Variants in ACADVL observed in about 807,000 individuals in gnomAD.
ACADVL encodes the protein acyl-CoA dehydrogenase very long chain, also known as very long-chain acyl-CoA dehydrogenase, mitochondrial.
Under a neutral mutation model 80.4 loss-of-function variants are expected in ACADVL, and 73 were observed. That is an observed-to-expected ratio of 0.91 (90% CI 0.75 to 1.10). The LOEUF is 1.10. Among genes scored for constraint, ACADVL ranks in the 50% least tolerant of loss-of-function variants. ACADVL has a pLI of 0.00. For synonymous variants in ACADVL, 392 were observed against 326.5 expected (o/e 1.20, Z -2.16); for missense variants, 878 against 858.9 (o/e 1.02, Z -0.28).
chr17:7,217,878 T>C (rs994939942), upstream of ACADVL: 65 of 1,483,372 alleles, frequency 4.4e-5, no homozygotes, highest in Non-Finnish European at 5.6e-5. Flanking sequence ...CACCCACGGT[T>C]ATTTGAATAC....
chr17:7,222,347 C>A, intron 9 of ACADVL, 45 bp downstream of exon 9: 2 of 1,600,948 alleles, frequency 1.2e-6, no homozygotes, highest in Non-Finnish European at 1.7e-6. Context: ...AGGGGCAGGA[C>A]TGGGCTCCTG....
At chr17:7,221,225 G>A (rs2071199856) in intron 6 of ACADVL, 167 bp downstream of exon 6, 1 of 1,225,858 alleles carries the variant, frequency 8.2e-7, no homozygotes, top group Non-Finnish European at 1.1e-6. Context: ...TTTACATGCA[G>A]TCCCCTAGGC....
Position 7,220,110 on chromosome 17 carries a change from C to T in ACADVL, c.63-12C>T. The T allele has an allele frequency of 1.9e-6, 3 of 1,581,898 alleles. No individual in the cohort carries two copies. Among genetic ancestry groups the T allele is most frequent in the Non-Finnish European group, 2.6e-6 (3 of 1,172,006 alleles). ...GGGCACCGGGCCGGCACTGAACCCC[C>T]ACTCCCCACAGCTCGCGGCTCACGG... On this transcript the variant is annotated splice_polypyrimidine_tract_variant and intron_variant, in intron 1 of 19. Coordinates refer to ENST00000356839, the MANE Select transcript of ACADVL (RefSeq NM_000018.4).
At chr17:7,224,265 G>C in intron 15 of ACADVL, 22 bp downstream of exon 15, 1 of 1,613,458 alleles carries the variant, frequency 6.2e-7, no homozygotes, top group Non-Finnish European at 8.5e-7. Flanking sequence ...GCCAGAGCCA[G>C]GGGAGGGCAG....
chr17:7,217,709 C>G (rs1310419631), upstream of ACADVL: 1 of 1,533,860 alleles, frequency 6.5e-7, no homozygotes, highest in Non-Finnish European at 8.7e-7. Context: ...TCCTTCTGTG[C>G]TGGCAGGAAC....
At chr17:7,219,874 G>A, upstream of ACADVL, 1 of 1,540,198 alleles carries the variant, frequency 6.5e-7, no homozygotes, top group South Asian at 1.2e-5. Context: ...ACCGTCCGCC[G>A]CCCGGTGCAC....
chr17:7,222,887 C>G, intron 10 of ACADVL, 22 bp downstream of exon 10: 1 of 1,608,056 alleles, frequency 6.2e-7, no homozygotes, highest in Non-Finnish European at 8.5e-7. Flanking sequence ...GCCCGAGTCC[C>G]TAGGTAACCC....
chr17:7,222,618 T>G (rs1375209333), intron 9 of ACADVL, 49 bp from the exon 10 acceptor site: 3 of 1,546,212 alleles, frequency 1.9e-6, no homozygotes, highest in African/African-American at 2.7e-5. Flanking sequence ...TTTCCCCCAG[T>G]GACAACCTGT....
In ACADVL at chr17:7,223,865, G is replaced by T; in HGVS notation, c.1322G>T (p.Gly441Val). ...TGCATCCAAATCATGGGGGGTATGG[G>T]CTTCATGAAGGTACAGGACGGTCTT... ...DECIQIMGGMGFMKEPGVERV... is the reference protein window; with the variant it reads ...DECIQIMGGMVFMKEPGVERV... Residue 441 changes from glycine to valine, a missense_variant, in exon 13 of 20, where the codon GGC becomes GTC. Coordinates refer to ENST00000356839, the MANE Select transcript of ACADVL (RefSeq NM_000018.4). 6.2e-7 allele frequency: 1 copy of T among 1,614,040 alleles called. No homozygotes were observed. Among genetic ancestry groups the T allele is most frequent in the East Asian group, 2.2e-5 (1 of 44,876 alleles).
upstream of ACADVL, chr17:7,219,918 A>ACGAGGG: frequency 6.4e-7 from 1 of 1,567,556 alleles, no homozygotes; most frequent in African/African-American, 1.3e-5. Flanking sequence ...GGGCGCCAGG[A>ACGAGGG]CGTGGGCGTG....
chr17:7,220,939 G>A lies in ACADVL; in HGVS notation c.358G>A (p.Ala120Thr), dbSNP rs1185963216. Residue 120 changes from alanine to threonine, a missense_variant, in exon 6 of 20, where the codon GCC becomes ACC. Physicochemically the swap from Ala to Thr is moderately conservative, Grantham distance 58. Coordinates refer to ENST00000356839, the MANE Select transcript of ACADVL (RefSeq NM_000018.4). Reference sequence around the variant, plus strand: ...CCTTCCCCAGGAAGTGAACGATCCCGCCAAGAATGACGCTCTGGAGATGGT... The same window carrying A: ...CCTTCCCCAGGAAGTGAACGATCCCACCAAGAATGACGCTCTGGAGATGGT... The part of the protein sequence containing the change: ...SRFFEEVNDP[A>T]KNDALEMVEE... 7 of 1,614,092 alleles carry A rather than the reference G, an allele frequency of 4.3e-6. No homozygotes were observed. Among genetic ancestry groups the A allele is most frequent in the South Asian group, 2.2e-5 (2 of 91,090 alleles).
upstream of ACADVL, chr17:7,217,194 C>T (rs2142942476): frequency 3.2e-6 from 4 of 1,268,336 alleles, no homozygotes; most frequent in South Asian, 6.7e-5. Flanking sequence ...CTGACTTCAT[C>T]GGAGTTTCGT....
rs1434841815 is a variant in ACADVL, at chr17:7,223,218, T to C, written c.1163T>C (p.Met388Thr). 2.5e-6 allele frequency: 4 copies of C among 1,613,906 alleles called. No homozygotes were observed. The East Asian group carries it at 6.7e-5, about 27-fold the overall frequency. The part of the protein sequence containing the change: ...LIQEKLARMV[M>T]LQYVTESMAY... ...CAGGAGAAGCTGGCACGGATGGTTA[T>C]GCTGCAGTATGTAACTGAGGTGAGG... Residue 388 changes from methionine to threonine, a missense_variant, in exon 11 of 20, where the codon ATG becomes ACG. Coordinates refer to ENST00000356839, the MANE Select transcript of ACADVL (RefSeq NM_000018.4).
At chr17:7,224,109 C>G (rs764053889) in intron 14 of ACADVL, 37 bp from the exon 15 acceptor site, 57 of 1,613,628 alleles carry the variant, frequency 3.5e-5, no homozygotes, top group Non-Finnish European at 4.7e-5. Context: ...GTGGGGAGGA[C>G]AGTGAGTCCT....
At chr17:7,219,027 C>T, upstream of ACADVL, 1 of 673,004 alleles carries the variant, frequency 1.5e-6, no homozygotes, top group South Asian at 1.8e-5. Context: ...CCCTGGCCCC[C>T]TCTTCCCATA....
At chr17:7,218,792 C>G, upstream of ACADVL, 1 of 1,613,152 alleles carries the variant, frequency 6.2e-7, no homozygotes, top group Non-Finnish European at 8.5e-7. Context: ...CCCCACTTCG[C>G]TCCCAGACCT....
At position 7,221,939 on chromosome 17, in the gene ACADVL, C is replaced by G; in HGVS notation, c.623-13C>G. 5.6e-6 allele frequency: 9 copies of G among 1,614,008 alleles called. No individual in the cohort carries two copies. The highest frequency in any genetic ancestry group is 7.6e-6 in the Non-Finnish European group (9 of 1,180,002). On this transcript the variant is annotated splice_polypyrimidine_tract_variant and intron_variant, in intron 7 of 19. Coordinates refer to ENST00000356839, the MANE Select transcript of ACADVL (RefSeq NM_000018.4). ...CATCAGAACTTGGGGTAAAGTAGCT[C>G]TCTCCCCAACAGGGGAGACTGTGGC...
upstream of ACADVL, chr17:7,219,800 A>C: frequency 2.0e-6 from 3 of 1,523,858 alleles, no homozygotes; most frequent in Non-Finnish European, 2.6e-6. Flanking sequence ...GATCCCTCTA[A>C]GTCAGCGGAA....
At chr17:7,223,366 G>A (rs2071323668) in intron 11 of ACADVL, 129 bp downstream of exon 11, 1 of 942,204 alleles carries the variant, frequency 1.1e-6, no homozygotes, top group Non-Finnish European at 1.7e-6. Context: ...GGGGATGCGG[G>A]GAGGCATAGT....
Sources: gnomAD v4.1 joint callset for allele counts on GRCh38, gnomAD v4.1.1 for gene constraint, MANE v1.5 for transcripts, NCBI Gene and HGNC (gene_info 2026-07-23, HGNC 2026-07-21) for gene names.